Variants in TAP2 observed in about 807,000 individuals in gnomAD.
TAP2 encodes transporter 2, ATP binding cassette subfamily B member, also known as antigen peptide transporter 2.
A neutral mutation model predicts 74.7 loss-of-function variants in TAP2; 49 were observed. The observed-to-expected ratio is 0.66, with a 90% confidence interval of 0.52 to 0.83. The LOEUF (loss-of-function observed/expected upper bound fraction) is 0.83. Among genes scored for constraint, TAP2 ranks in the 40% least tolerant of loss-of-function variants. TAP2 has a pLI of 0.00. For synonymous variants in TAP2, 306 were observed against 368.4 expected, an observed-to-expected ratio of 0.83 and a Z score of 1.94; for missense variants, 739 against 859.0, an observed-to-expected ratio of 0.86 and a Z score of 1.75.
At chr6:32,834,912 T>C (rs149853081) in intron 5 of TAP2, among the ~76,000 whole-genome samples, 1,632 of 152,066 alleles carry the variant, frequency 0.011, 28 homozygotes, top group African/African-American at 0.03. Flanking sequence ...CCCTCCCCCA[T>C]ACCTTCACAT....
At chr6:32,823,364 CAT>C (rs541064373), downstream of TAP2, among the ~76,000 whole-genome samples, 582 of 151,016 alleles carry the variant, frequency 3.9e-3, 6 homozygotes, top group Non-Finnish European at 6.8e-3. Context: ...AACTTAAACA[CAT>C]GTCTCATATA....
downstream of TAP2, among the ~76,000 whole-genome samples, chr6:32,822,846 A>G (rs1768379466): frequency 6.6e-6 from 1 of 151,602 alleles, no homozygotes; most frequent in Non-Finnish European, 1.5e-5. Context: ...TTTCAATTTT[A>G]AAAGTTTGAT....
At chr6:32,823,376 A>G (rs1282779948), downstream of TAP2, among the ~76,000 whole-genome samples, 1 of 148,364 alleles carries the variant, frequency 6.7e-6, no homozygotes, top group Non-Finnish European at 1.5e-5. Context: ...TGTCTCATAT[A>G]TTCATATGAA....
downstream of TAP2, among the ~76,000 whole-genome samples, chr6:32,825,075 A>T (rs891114960): frequency 2.0e-5 from 3 of 151,186 alleles, no homozygotes; most frequent in Non-Finnish European, 4.4e-5. Context: ...ATACAATGCT[A>T]CTTTCACCCA....
rs241454 is a variant in TAP2, at chr6:32,828,367, A to G, written c.*539T>C. 248,388 of 985,118 alleles carry G rather than the reference A, an allele frequency of 0.25. 32,331 individuals carry two copies. The highest frequency in any genetic ancestry group is 0.41 in the South Asian group (8,686 of 21,278). 61.0% of individuals were successfully genotyped at this position (985,118 alleles called of 1,614,324 possible). Reference sequence around the variant, plus strand: ...TAGCAGACACTGGTAGGAACAAGGAAGGATATAGGAAGGCAATCTCATGAA... The same window carrying G: ...TAGCAGACACTGGTAGGAACAAGGAGGGATATAGGAAGGCAATCTCATGAA... On this transcript the variant is annotated 3_prime_UTR_variant, in exon 12 of 12. Coordinates refer to ENST00000374897, the MANE Select transcript of TAP2 (RefSeq NM_001290043.2).
rs1284956586 is a variant in TAP2 at position 32,830,008 on chromosome 6, C to T, written c.1717G>A (p.Asp573Asn). 1.2e-6 allele frequency: 2 copies of T among 1,613,018 alleles called. No homozygotes were observed. The highest frequency in any genetic ancestry group is 2.2e-5 in the East Asian group (1 of 44,898). ...NIAYGLQSCE[D>N]DKVMAAAQAA... ...TGGGCAGCCGCCATCACCTTATCAT[C>T]TTCGCAGCTCTGCAGCCCATAAGCA... Residue 573 changes from aspartate (D) to asparagine (N), a missense_variant, in exon 10 of 12, where the codon GAT (aspartate) becomes AAT (asparagine). Asp to Asn is a conservative substitution (Grantham distance 23). Coordinates refer to ENST00000374897, the MANE Select transcript of TAP2 (RefSeq NM_001290043.2).
At position 32,826,662 on chromosome 6, in the gene TAP2, C is replaced by G. The variant is rs1768670255; in HGVS notation, c.*2244G>C. ...GACATCTTAAGGTCTACTGCATCTTCCTGTACTGCCCATCAAGATAAGTTT... is the reference window on the plus strand; with the variant it reads ...GACATCTTAAGGTCTACTGCATCTTGCTGTACTGCCCATCAAGATAAGTTT... On this transcript the variant is annotated 3_prime_UTR_variant, in exon 12 of 12. Coordinates refer to ENST00000374897, the MANE Select transcript of TAP2 (RefSeq NM_001290043.2). The G allele has an allele frequency of 1.0e-6, 1 of 985,306 alleles. No individual in the cohort carries two copies. The allele number at this position is 985,306 out of a possible 1,614,324, so 61.0% of individuals were successfully genotyped here.
rs1476948439 is a variant in TAP2, at chr6:32,829,541, G to A, written c.1796-5C>T. Reference sequence around the variant, plus strand: ...GGCTTCCCTTCTCCCCTACATCTGAGGAAATCAGAGAAATTCCCTTCCTCA... The same window carrying A: ...GGCTTCCCTTCTCCCCTACATCTGAAGAAATCAGAGAAATTCCCTTCCTCA... On this transcript the variant is annotated splice_region_variant and splice_polypyrimidine_tract_variant and intron_variant, in intron 10 of 11. Transcript: ENST00000374897. 10 of 1,614,064 alleles carry A rather than the reference G, an allele frequency of 6.2e-6. No homozygotes were observed. Among genetic ancestry groups the A allele is most frequent in the Non-Finnish European group, 8.5e-6 (10 of 1,179,998 alleles).
Position 32,827,403 on chromosome 6 carries a change from T to C in TAP2, c.*1503A>G, listed in dbSNP as rs1172919800. The C allele has an allele frequency of 1.1e-6, 1 of 923,542 alleles. No homozygotes were observed. The highest frequency in any genetic ancestry group is 1.3e-6 in the Non-Finnish European group (1 of 773,942). The allele number at this position is 923,542 out of a possible 1,614,324, so 57.2% of individuals were successfully genotyped here. A position where few individuals can be genotyped will look rare whatever the true frequency, so the allele number is the denominator to read the frequency against. On this transcript the variant is annotated 3_prime_UTR_variant, in exon 12 of 12. Coordinates refer to ENST00000374897, the MANE Select transcript of TAP2 (RefSeq NM_001290043.2). ...GCCAGGTAGCAGATATAAAGCTTAA[T>C]AAGATATATGGCTTTCCGCCCAGGT...
At position 32,835,335 on chromosome 6, in the gene TAP2, G is replaced by C; in HGVS notation, c.764C>G (p.Ser255Trp). The change falls in exon 5 of 12, where the codon TCG (serine) becomes TGG (tryptophan). Residue 255 changes from serine to tryptophan, a missense_variant. Coordinates refer to ENST00000374897, the MANE Select transcript of TAP2 (RefSeq NM_001290043.2). The surrounding 1 kb of genome is among the most constrained non-coding windows in gnomAD (Gnocchi z 4.0). ...KTGELNSRLS[S>W]DTTLMSNWLP... ...CCAGTTACTCATCAGGGTGGTATCC[G>C]AGCTCAGCCGTGAGTTCAGCTCCCC... 6.2e-7 allele frequency: 1 copy of C among 1,613,042 alleles called. No individual in the cohort carries two copies. Among genetic ancestry groups the C allele is most frequent in the Non-Finnish European group, 8.5e-7 (1 of 1,180,034 alleles).
chr6:32,824,814 C>T (rs1428658108), downstream of TAP2, among the ~76,000 whole-genome samples: 3 of 132,910 alleles, frequency 2.3e-5, no homozygotes, highest in African/African-American at 3.6e-5. Flanking sequence ...GGTGCTTTAA[C>T]TTTGTCTGCC....
chr6:32,829,535 A>G lies in TAP2; in HGVS notation c.1797T>C (p.Asp599=), dbSNP rs373061487. ...CCAGCTGGCTTCCCTTCTCCCCTAC[A>G]TCTGAGGAAATCAGAGAAATTCCCT... ...IQEMEHGIYT[D]VGEKGSQLAA... The change falls in exon 11 of 12, where the codon GAT becomes GAC. Residue 599 remains aspartate (D), a splice_region_variant and synonymous_variant. Transcript: ENST00000374897. 2.5e-6 allele frequency: 4 copies of G among 1,614,108 alleles called. No homozygotes were observed. Among genetic ancestry groups the G allele is most frequent in the Non-Finnish European group, 3.4e-6 (4 of 1,180,010 alleles).
At position 32,830,083 on chromosome 6, in the gene TAP2, A is replaced by G. The variant is rs1014684738; in HGVS notation, c.1642T>C (p.Ser548Pro). The G allele has an allele frequency of 6.2e-7, 1 of 1,613,038 alleles. No homozygotes were observed. Among genetic ancestry groups the G allele is most frequent in the African/African-American group, 1.3e-5 (1 of 75,052 alleles). Reference sequence around the variant, plus strand: ...AACAGCACAGGCTCCTGCCCAACTGAAACCACCTGTGCAGCAGGGACAGGG... The same window carrying G: ...AACAGCACAGGCTCCTGCCCAACTGGAACCACCTGTGCAGCAGGGACAGGG... ...EHCYLHSQVVSVGQEPVLFSG... is the reference protein window; with the variant it reads ...EHCYLHSQVVPVGQEPVLFSG... Residue 548 changes from serine to proline, a missense_variant, in exon 10 of 12, where the codon TCA becomes CCA. Physicochemically the swap from Ser to Pro is moderately conservative, Grantham distance 74. Transcript: ENST00000374897.
At chr6:32,833,548 C>T (rs138082244) in intron 5 of TAP2, among the ~76,000 whole-genome samples, 2,284 of 152,168 alleles carry the variant, frequency 0.015, 33 homozygotes, top group Middle Eastern at 0.02. Context: ...ATTTACTAAT[C>T]ATTAGGGAAA....
In TAP2 at chr6:32,827,442, T is replaced by C. The variant is rs557463682; in HGVS notation, c.*1464A>G. 1.4e-6 allele frequency: 1 copy of C among 710,208 alleles called. No homozygotes were observed. Among genetic ancestry groups the C allele is most frequent in the African/African-American group, 1.9e-5 (1 of 51,620 alleles). The allele number at this position is 710,208 out of a possible 1,614,324, so 44.0% of individuals were successfully genotyped here. On this transcript the variant is annotated 3_prime_UTR_variant, in exon 12 of 12. Coordinates refer to ENST00000374897, the MANE Select transcript of TAP2 (RefSeq NM_001290043.2). ...TTCCGCCCAGGTGCTCATGGTCTAG[T>C]GGAAGGTCAAAAAAGGTGGGAAAGG...
chr6:32,822,574 C>CT (rs1281344533), downstream of TAP2, among the ~76,000 whole-genome samples: 2 of 152,174 alleles, frequency 1.3e-5, no homozygotes, highest in African/African-American at 2.4e-5. Flanking sequence ...AGGCCTCACT[C>CT]TGTTGCCCAG....
chr6:32,835,579 G>C lies in TAP2; in HGVS notation c.739+64C>G. 1 of 1,609,248 alleles carries C rather than the reference G, an allele frequency of 6.2e-7. No homozygotes were observed. The highest frequency in any genetic ancestry group is 8.5e-7 in the Non-Finnish European group (1 of 1,176,798). On this transcript the variant is annotated intron_variant, in intron 4 of 11. Transcript: ENST00000374897. The surrounding 1 kb of genome is among the most constrained non-coding windows in gnomAD (Gnocchi z 4.0). ...GTGAAGGCAGGAGGAGAGGCTGTGG[G>C]TGGAAGGTCACTGAGGGGCAAGGGA...
chr6:32,838,406 G>A (rs1338533075), intron 1 of TAP2, 169 bp from the exon 2 acceptor site: 3 of 489,040 alleles, frequency 6.1e-6, no homozygotes, highest in East Asian at 3.1e-4. Context: ...CCCCTCCTAC[G>A]ACAGACAGCT....
chr6:32,829,479 G>A lies in TAP2; in HGVS notation c.1853C>T (p.Ala618Val). 1 of 1,614,070 alleles carries A rather than the reference G, an allele frequency of 6.2e-7. No homozygotes were observed. Among genetic ancestry groups the A allele is most frequent in the Non-Finnish European group, 8.5e-7 (1 of 1,179,996 alleles). ...AAGQKQRLAI[A>V]RALVRDPRVL... ...CCGCGGGTCTCGTACAAGGGCCCGG[G>A]CAATGGCCAGACGTTGTTTCTGTCC... The change falls in exon 11 of 12, where the codon GCC (alanine) becomes GTC (valine). Residue 618 changes from alanine to valine, a missense_variant. By Grantham distance (64) the Ala-to-Val change is moderately conservative (BLOSUM62 0). Coordinates refer to ENST00000374897, the MANE Select transcript of TAP2 (RefSeq NM_001290043.2).
Sources: gnomAD v4.1 joint callset for allele counts (sites outside exome capture counted in the v4.1 genomes callset) on GRCh38, gnomAD v4.1.1 for gene constraint, Gnocchi (gnomAD v3.1) non-coding constraint, MANE v1.5 for transcripts, NCBI Gene and HGNC (gene_info 2026-07-23, HGNC 2026-07-21) for gene names.